DNASE1L3: variants seen among roughly 807,000 people sequenced by gnomAD.
DNASE1L3 encodes deoxyribonuclease gamma.
DNASE1L3 carries 27 observed loss-of-function variants against 30.9 expected under a neutral mutation model. The observed-to-expected ratio is 0.87, with a 90% CI of 0.64 to 1.20. The LOEUF (loss-of-function observed/expected upper bound fraction) is 1.20. Ranked by LOEUF, DNASE1L3 falls within the 50% of genes most tolerant of loss-of-function variation. DNASE1L3 has a pLI of 0.00. For missense variants in DNASE1L3, 364 were observed against 378.2 expected, an observed-to-expected ratio of 0.96 and a Z score of 0.31; for synonymous variants, 135 against 138.0, an observed-to-expected ratio of 0.98 and a Z score of 0.15.
At chr3:58,208,955 C>A (rs950790030) in intron 1 of DNASE1L3, among the ~76,000 whole-genome samples, 1 of 152,152 alleles carries the variant, frequency 6.6e-6, no homozygotes, top group African/African-American at 2.4e-5. Flanking sequence ...AAAATACAGT[C>A]CCAGCCGGGC....
intron 7 of DNASE1L3, chr3:58,193,075 C>CT (rs11289117): frequency 0.035 from 43,800 of 1,242,576 alleles, 8 homozygotes; most frequent in Middle Eastern, 0.038. Context: ...ATCAACCCAT[C>CT]TTTTTTTTTT....
In DNASE1L3 at chr3:58,195,157, A is replaced by G. The variant is rs143261918; in HGVS notation, c.705-1718T>C. Among the ~76,000 whole-genome samples, 1,259 of 152,358 alleles carry G rather than the reference A, an allele frequency of 8.3e-3. 13 individuals carry two copies. Among genetic ancestry groups the G allele is most frequent in the Middle Eastern group, 0.031 (9 of 294 alleles). ...TGCATGTTCCCCCAGCACTCAGCAC[A>G]TGAGAGGTGTTTGATAAATATGTGA... is the stretch of plus-strand genomic sequence containing the variant. On this transcript the variant is annotated intron_variant, in intron 6 of 7. Transcript: ENST00000394549.
intron 5 of DNASE1L3, among the ~76,000 whole-genome samples, chr3:58,199,917 CTTTA>C (rs1408313157): frequency 6.6e-6 from 1 of 152,156 alleles, no homozygotes; most frequent in Non-Finnish European, 1.5e-5. Context: ...TATGTTCACA[CTTTA>C]TTTGATTCAT....
intron 1 of DNASE1L3, among the ~76,000 whole-genome samples, chr3:58,209,497 C>T (rs1202445492): frequency 6.6e-6 from 1 of 152,202 alleles, no homozygotes; most frequent in Non-Finnish European, 1.5e-5. Flanking sequence ...GCTATCCTGG[C>T]TAAACAACAC....
chr3:58,203,251 T>C (rs973255206), intron 4 of DNASE1L3, among the ~76,000 whole-genome samples: 1 of 152,142 alleles, frequency 6.6e-6, no homozygotes, highest in Non-Finnish European at 1.5e-5. Context: ...TCCTCAGGCC[T>C]CCACTGCACT....
Position 58,192,729 on chromosome 3 carries a change from T to A in DNASE1L3, c.876A>T (p.Lys292Asn), listed in dbSNP as rs774817141. The A allele has an allele frequency of 6.2e-7, 1 of 1,614,078 alleles. No homozygotes were observed. The change falls in exon 8 of 8, where the codon AAA becomes AAT. Residue 292 changes from lysine (K) to asparagine (N), a missense_variant. Transcript: ENST00000394549. The surrounding 1 kb of genome is among the most constrained non-coding windows in gnomAD (Gnocchi z 4.8). ...QSSRAFTNSK[K>N]SVTLRKKTKS... ...TTGTTTTCTTCCTTAGAGTGACAGA[T>A]TTTTTGCTGTTGGTGAAGGCCCTTG... is the stretch of plus-strand genomic sequence containing the variant.
At chr3:58,209,742 A>G (rs1290673733) in intron 1 of DNASE1L3, among the ~76,000 whole-genome samples, 1 of 152,084 alleles carries the variant, frequency 6.6e-6, no homozygotes, top group Non-Finnish European at 1.5e-5. Flanking sequence ...TGTGGTCGCC[A>G]TTTTACTAGG....
chr3:58,204,244 G>A (rs1467385501), intron 4 of DNASE1L3, among the ~76,000 whole-genome samples: 5 of 151,480 alleles, frequency 3.3e-5, no homozygotes, highest in Non-Finnish European at 7.4e-5. Flanking sequence ...TGGTTCAAGT[G>A]ATTCTCCTAC....
intron 7 of DNASE1L3, 113 bp downstream of exon 7, chr3:58,193,230 C>T (rs914513980): frequency 5.6e-6 from 8 of 1,440,312 alleles, no homozygotes; most frequent in Admixed American, 1.9e-5. Flanking sequence ...GCATGCATCA[C>T]CATGCCCAGC....
At chr3:58,194,563 G>A (rs533576970) in intron 6 of DNASE1L3, among the ~76,000 whole-genome samples, 19 of 149,352 alleles carry the variant, frequency 1.3e-4, no homozygotes, top group Non-Finnish European at 2.5e-4. Flanking sequence ...TAGGTGATCC[G>A]CCCACCTCAA....
chr3:58,205,254 TGGAGCC>T (rs1359915318), intron 3 of DNASE1L3, among the ~76,000 whole-genome samples: 1 of 152,204 alleles, frequency 6.6e-6, no homozygotes, highest in Non-Finnish European at 1.5e-5. Context: ...CTGCCAACCA[TGGAGCC>T]AACCAACAAA....
Position 58,210,958 on chromosome 3 carries a change from G to A in DNASE1L3, c.-52C>T, listed in dbSNP as rs1358517408. ...CTGTGAGAAGACAGCAGTGCTTGGA[G>A]TGCTGGATTCTGGCCACTTCCGCAG... On this transcript the variant is annotated 5_prime_UTR_variant, in exon 1 of 8. Transcript: ENST00000394549. The A allele has an allele frequency of 1.9e-6, 3 of 1,602,684 alleles. No homozygotes were observed. The African/African-American group carries it at 4.0e-5, about 21-fold the overall frequency.
intron 2 of DNASE1L3, among the ~76,000 whole-genome samples, chr3:58,206,448 G>A (rs1380449336): frequency 1.3e-5 from 2 of 152,204 alleles, no homozygotes; most frequent in Non-Finnish European, 2.9e-5. Context: ...AGTAGGTTCT[G>A]CCGGGCTTCC....
intron 6 of DNASE1L3, among the ~76,000 whole-genome samples, chr3:58,195,950 C>A (rs11709502): frequency 6.6e-6 from 1 of 152,164 alleles, no homozygotes; most frequent in Admixed American, 6.5e-5. Flanking sequence ...ACATCTTTTT[C>A]TAACCTGTTC....
chr3:58,210,586 A>T (rs1254998405), intron 1 of DNASE1L3, among the ~76,000 whole-genome samples, 180 bp downstream of exon 1: 2 of 152,200 alleles, frequency 1.3e-5, no homozygotes, highest in African/African-American at 4.8e-5. Flanking sequence ...AACCATTGTT[A>T]TCACCCCTGT....
At chr3:58,206,553 C>T (rs1419618605) in intron 2 of DNASE1L3, among the ~76,000 whole-genome samples, 3 of 152,118 alleles carry the variant, frequency 2.0e-5, no homozygotes, top group Admixed American at 2.0e-4. Context: ...GACTAAGGCC[C>T]ATCCTGGCTT....
At chr3:58,198,606 G>A (rs1559756333) in intron 5 of DNASE1L3, among the ~76,000 whole-genome samples, 1 of 152,188 alleles carries the variant, frequency 6.6e-6, no homozygotes, top group Non-Finnish European at 1.5e-5. Context: ...GAAGGAGAAT[G>A]TTTGCTGTTC....
Position 58,194,850 on chromosome 3 carries a change from G to T in DNASE1L3, c.705-1411C>A, listed in dbSNP as rs184926588. On this transcript the variant is annotated intron_variant, in intron 6 of 7. Coordinates refer to ENST00000394549, the MANE Select transcript of DNASE1L3 (RefSeq NM_004944.4). ...TCACTGTGTTAGCCAGGATGGTCTC[G>T]ATCTCCTGACCTCGTGATCCACCGG... Among the ~76,000 whole-genome samples, 114 of 151,222 alleles carry T rather than the reference G, an allele frequency of 7.5e-4. 1 individual carries two copies. The highest frequency in any genetic ancestry group is 2.6e-3 in the African/African-American group (109 of 41,164).
chr3:58,203,334 C>A (rs1220679654), intron 4 of DNASE1L3, among the ~76,000 whole-genome samples: 1 of 152,198 alleles, frequency 6.6e-6, no homozygotes, highest in Non-Finnish European at 1.5e-5. Context: ...GCTCACTGTG[C>A]CCTCCATGTG....
Sources: allele counts gnomAD v4.1 joint callset (sites outside exome capture counted in the v4.1 genomes callset), GRCh38; gene constraint gnomAD v4.1.1; non-coding constraint Gnocchi (gnomAD v3.1); transcripts MANE v1.5; gene names NCBI Gene and HGNC (gene_info 2026-07-23, HGNC 2026-07-21).